TNKS: variants seen among roughly 807,000 people sequenced by gnomAD.
TNKS encodes tankyrase.
In TNKS, 72 loss-of-function variants were observed where a neutral mutation model predicts 135.8. The observed-to-expected ratio is 0.53, with a 90% CI of 0.44 to 0.64. The LOEUF is 0.64. Among genes scored for constraint, TNKS ranks in the 30% least tolerant of loss-of-function variants. The probability of loss-of-function intolerance (pLI) is 0.00; values close to 1 mark genes in which losing one functional copy is unlikely to be tolerated. For missense variants in TNKS, 1,769 were observed against 1,674.0 expected, an observed-to-expected ratio of 1.06 and a Z score of -0.99; for synonymous variants, 849 against 649.3, an observed-to-expected ratio of 1.31 and a Z score of -4.68.
In TNKS at chr8:9,779,305, G is replaced by A. The variant is rs1460609809; in HGVS notation, c.*2569G>A. 6.6e-6 allele frequency: 1 copy of A among 152,514 alleles called. No individual in the cohort carries two copies. The highest frequency in any genetic ancestry group is 1.5e-5 in the Non-Finnish European group (1 of 68,020). The allele number at this position is 152,514 out of a possible 1,614,324, so 9.4% of individuals were successfully genotyped here. A position where few individuals can be genotyped will look rare whatever the true frequency, so the allele number is the denominator to read the frequency against. On this transcript the variant is annotated 3_prime_UTR_variant, in exon 27 of 27. Transcript: ENST00000310430. ...GAACCCTTTCCAATATAAAAGCATG[G>A]CATTAAATTAGGCTGAAGTCTTTTA...
At chr8:9,656,394 A>G (rs1420318168) in intron 3 of TNKS, among the ~76,000 whole-genome samples, 1 of 152,150 alleles carries the variant, frequency 6.6e-6, no homozygotes, top group Non-Finnish European at 1.5e-5. Context: ...AGAGAACTCC[A>G]CAAAGATACT....
chr8:9,558,599 C>T (rs918953842), intron 1 of TNKS: 1 of 152,118 alleles, frequency 6.6e-6, no homozygotes, highest in Non-Finnish European at 1.5e-5. Flanking sequence ...TAGGATAAGT[C>T]ACACAAAATA....
Position 9,763,142 on chromosome 8 carries a change from GACAGGCA to G in TNKS, c.3275-4_3277del. ...GTTTTATATGTTAATTTTTCTCTCC[GACAGGCA>G]CCAATCCTTATTTGACTTTTCACTG... On this transcript the variant is annotated splice_acceptor_variant and splice_polypyrimidine_tract_variant and coding_sequence_variant and intron_variant, in exon 22 of 27. Transcript: ENST00000310430. LOFTEE classifies it high-confidence loss of function. 2 of 1,546,440 alleles carry G rather than the reference GACAGGCA, an allele frequency of 1.3e-6. No homozygotes were observed. Among genetic ancestry groups the G allele is most frequent in the Non-Finnish European group, 1.8e-6 (2 of 1,139,714 alleles).
chr8:9,563,758 T>G (rs1279563606), intron 1 of TNKS, among the ~76,000 whole-genome samples: 1 of 152,234 alleles, frequency 6.6e-6, no homozygotes, highest in Admixed American at 6.5e-5. Flanking sequence ...AATAATTGAT[T>G]ATAATTTTGT....
At chr8:9,744,279 G>C (rs185750932) in intron 17 of TNKS, among the ~76,000 whole-genome samples, 18 of 152,276 alleles carry the variant, frequency 1.2e-4, no homozygotes, top group Admixed American at 9.2e-4. Context: ...AAATGGCATT[G>C]ATACTTATTA....
intron 1 of TNKS, among the ~76,000 whole-genome samples, chr8:9,577,240 G>C (rs1047804756): frequency 1.3e-5 from 2 of 151,872 alleles, no homozygotes; most frequent in Non-Finnish European, 2.9e-5. Context: ...TATACCTATT[G>C]ATCTAGTACT....
chr8:9,583,338 A>T (rs1024769628), intron 2 of TNKS, among the ~76,000 whole-genome samples: 20 of 152,144 alleles, frequency 1.3e-4, no homozygotes, highest in Admixed American at 1.3e-3. Flanking sequence ...GGGAATGTTG[A>T]TGACAGTTTT....
chr8:9,626,340 T>G (rs1800052261), intron 3 of TNKS, among the ~76,000 whole-genome samples: 1 of 152,236 alleles, frequency 6.6e-6, no homozygotes, highest in Admixed American at 6.5e-5. Context: ...TCATTTTTTC[T>G]CATCCATGCT....
chr8:9,705,950 A>C (rs1355654472), intron 6 of TNKS, among the ~76,000 whole-genome samples: 1 of 152,218 alleles, frequency 6.6e-6, no homozygotes, highest in African/African-American at 2.4e-5. Context: ...CCTTTCGCCA[A>C]AATGTTCTTC....
intron 3 of TNKS, among the ~76,000 whole-genome samples, chr8:9,640,265 G>A (rs1333879793): frequency 6.6e-6 from 1 of 152,152 alleles, no homozygotes; most frequent in African/African-American, 2.4e-5. Context: ...CATCTGGCCA[G>A]GGCCTTCTTA....
chr8:9,702,881 T>C (rs913234203), intron 5 of TNKS, among the ~76,000 whole-genome samples: 2 of 151,916 alleles, frequency 1.3e-5, no homozygotes, highest in Non-Finnish European at 2.9e-5. Flanking sequence ...CTGGGTATGG[T>C]GGTGCGCGCC....
At chr8:9,665,828 G>C (rs984352224) in intron 3 of TNKS, among the ~76,000 whole-genome samples, 1 of 152,116 alleles carries the variant, frequency 6.6e-6, no homozygotes, top group East Asian at 1.9e-4. Context: ...TAACTACTAA[G>C]AAAGGCCTCA....
At chr8:9,577,595 G>A (rs1797999745) in intron 1 of TNKS, among the ~76,000 whole-genome samples, 1 of 152,070 alleles carries the variant, frequency 6.6e-6, no homozygotes, top group African/African-American at 2.4e-5. Flanking sequence ...GATCTTGTGA[G>A]AACTCACTAT....
chr8:9,599,396 C>G (rs958360467), intron 2 of TNKS, among the ~76,000 whole-genome samples: 1 of 152,172 alleles, frequency 6.6e-6, no homozygotes. Flanking sequence ...CAGCAATTCA[C>G]TGTGTTAGGT....
At chr8:9,557,176 A>G (rs1175437416) in intron 1 of TNKS, 1 of 154,574 alleles carries the variant, frequency 6.5e-6, no homozygotes, top group Non-Finnish European at 1.4e-5. Flanking sequence ...CTGGAGAAGA[A>G]TATTTGGATG....
chr8:9,672,154 C>G (rs1221411996), intron 3 of TNKS, among the ~76,000 whole-genome samples: 1 of 152,136 alleles, frequency 6.6e-6, no homozygotes, highest in Non-Finnish European at 1.5e-5. Flanking sequence ...TCCAATTGTT[C>G]TGTTTTATTA....
At chr8:9,580,414 A>G in intron 2 of TNKS, 31 bp downstream of exon 2, 1 of 1,591,866 alleles carries the variant, frequency 6.3e-7, no homozygotes, top group Non-Finnish European at 8.6e-7. Context: ...TCTAAATTTT[A>G]AATAAAGGTT....
At chr8:9,662,519 C>G (rs1801769816) in intron 3 of TNKS, among the ~76,000 whole-genome samples, 1 of 152,124 alleles carries the variant, frequency 6.6e-6, no homozygotes, top group Admixed American at 6.5e-5. Flanking sequence ...ACCGTATGTT[C>G]TGACTCATAG....
intron 3 of TNKS, among the ~76,000 whole-genome samples, chr8:9,632,744 T>A (rs1318395591): frequency 6.6e-6 from 1 of 152,248 alleles, no homozygotes; most frequent in Non-Finnish European, 1.5e-5. Flanking sequence ...TTCTTTCCTT[T>A]TTTGAGATGG....
Sources: gnomAD v4.1 joint callset for allele counts (sites outside exome capture counted in the v4.1 genomes callset) on GRCh38, gnomAD v4.1.1 for gene constraint, MANE v1.5 for transcripts, NCBI Gene and HGNC (gene_info 2026-07-23, HGNC 2026-07-21) for gene names.